Variants in LMX1B observed in about 807,000 individuals in gnomAD.
The protein encoded by LMX1B is LIM homeobox transcription factor 1 beta.
LMX1B carries 12 observed loss-of-function variants against 51.4 expected under a neutral mutation model. That is an observed-to-expected ratio of 0.23 (90% CI 0.15 to 0.38). The LOEUF (loss-of-function observed/expected upper bound fraction) is 0.38. LMX1B is among the 10% of genes least tolerant of loss of function. LMX1B has a pLI of 1.00. For missense variants in LMX1B, 445 were observed against 571.1 expected (o/e 0.78, Z 2.25); for synonymous variants, 237 against 235.4 (o/e 1.01, Z -0.06).
intron 2 of LMX1B, among the ~76,000 whole-genome samples, chr9:126,622,054 C>T (rs1465515520): frequency 6.6e-6 from 1 of 152,194 alleles, no homozygotes; most frequent in Non-Finnish European, 1.5e-5. Flanking sequence ...TGACTGGCAG[C>T]CGCTGGACCT....
At chr9:126,646,665 T>C (rs1309909272) in intron 2 of LMX1B, among the ~76,000 whole-genome samples, 1 of 152,242 alleles carries the variant, frequency 6.6e-6, no homozygotes, top group Admixed American at 6.5e-5. Context: ...GTTCTACTTC[T>C]GGTGGATGAG....
intron 2 of LMX1B, among the ~76,000 whole-genome samples, chr9:126,651,459 G>A (rs978899706): frequency 3.9e-5 from 6 of 152,108 alleles, no homozygotes; most frequent in African/African-American, 1.4e-4. Flanking sequence ...TTGTCTCAAG[G>A]GGACAGCGGC....
At chr9:126,666,293 A>G (rs1836341472) in intron 2 of LMX1B, among the ~76,000 whole-genome samples, 1 of 152,194 alleles carries the variant, frequency 6.6e-6, no homozygotes, top group African/African-American at 2.4e-5. Context: ...TTCAGCTGAC[A>G]GCCCTGGAGG....
chr9:126,616,054 C>G (rs1445403435), intron 2 of LMX1B, among the ~76,000 whole-genome samples: 2 of 152,214 alleles, frequency 1.3e-5, no homozygotes, highest in Admixed American at 1.3e-4. Context: ...GGGAGGCCCC[C>G]TTTCTGCCAG....
chr9:126,637,646 G>A (rs1000231027), intron 2 of LMX1B, among the ~76,000 whole-genome samples: 12 of 152,096 alleles, frequency 7.9e-5, no homozygotes, highest in Non-Finnish European at 1.5e-4. Flanking sequence ...ATGTATGGAT[G>A]TGGGCTGGGT....
intron 2 of LMX1B, among the ~76,000 whole-genome samples, chr9:126,649,824 C>T (rs542855527): frequency 3.5e-4 from 53 of 152,222 alleles, no homozygotes; most frequent in African/African-American, 1.3e-3. Context: ...GACCAGGTTT[C>T]GCCATCTTTC....
chr9:126,675,184 A>G (rs1443072614), intron 2 of LMX1B, among the ~76,000 whole-genome samples: 1 of 152,090 alleles, frequency 6.6e-6, no homozygotes, highest in Non-Finnish European at 1.5e-5. Context: ...AACCCCCCCA[A>G]AATACACCCA....
intron 2 of LMX1B, among the ~76,000 whole-genome samples, chr9:126,682,908 A>AAAAG (rs1836702653): frequency 6.6e-6 from 1 of 150,460 alleles, no homozygotes; most frequent in Non-Finnish European, 1.5e-5. Flanking sequence ...AAAAAAAAAA[A>AAAAG]AAAAAAAGAA....
chr9:126,661,283 G>T (rs930812547), intron 2 of LMX1B, among the ~76,000 whole-genome samples: 7 of 151,936 alleles, frequency 4.6e-5, no homozygotes, highest in Non-Finnish European at 1.0e-4. Context: ...CCCACGCAGG[G>T]CGACCTCTCA....
At chr9:126,668,128 A>C (rs1836380998) in intron 2 of LMX1B, among the ~76,000 whole-genome samples, 1 of 152,108 alleles carries the variant, frequency 6.6e-6, no homozygotes, top group African/African-American at 2.4e-5. Flanking sequence ...GCAGAAGAAG[A>C]GCTGCTGGGG....
chr9:126,691,721 AGAT>A (rs1314943795), intron 3 of LMX1B, among the ~76,000 whole-genome samples: 2 of 151,982 alleles, frequency 1.3e-5, no homozygotes, highest in Non-Finnish European at 2.9e-5. Flanking sequence ...AGAGGCAGGG[AGAT>A]GATGTGCCTT....
chr9:126,626,613 G>A lies in LMX1B; in HGVS notation c.326+11044G>A, dbSNP rs764127170. 3.5e-4 allele frequency among the ~76,000 whole-genome samples: 53 copies of A among 152,286 alleles called. No homozygotes were observed. The highest frequency in any genetic ancestry group is 6.8e-4 in the Non-Finnish European group (46 of 68,028). ...CCTTCCTTCCAGGTCAGGGGTGGGG[G>A]AGAGACTTTCTCCCTCGAAACACTT... On this transcript the variant is annotated intron_variant, in intron 2 of 7. Coordinates refer to ENST00000373474, the MANE Select transcript of LMX1B (RefSeq NM_001174147.2). This position sits in a 1 kb window ranked among gnomAD's most constrained non-coding sequence, Gnocchi z 4.3.
intron 2 of LMX1B, among the ~76,000 whole-genome samples, chr9:126,629,781 T>TA (rs1387450699): frequency 2.0e-5 from 3 of 151,926 alleles, no homozygotes; most frequent in African/African-American, 7.3e-5. Flanking sequence ...GGTGCAGTGA[T>TA]TTCCCCAAGG....
chr9:126,617,739 C>T (rs914689300), intron 2 of LMX1B, among the ~76,000 whole-genome samples: 1 of 152,062 alleles, frequency 6.6e-6, no homozygotes, highest in African/African-American at 2.4e-5. Flanking sequence ...TGGCACAGGG[C>T]GAATCTCAGG....
intron 2 of LMX1B, among the ~76,000 whole-genome samples, chr9:126,683,993 G>A (rs1836725553): frequency 6.6e-6 from 1 of 152,064 alleles, no homozygotes; most frequent in Non-Finnish European, 1.5e-5. Context: ...CCAAGCACGT[G>A]TCCTACGGGA....
chr9:126,690,842 C>T lies in LMX1B; in HGVS notation c.333C>T (p.Phe111=), dbSNP rs138385790. The T allele has an allele frequency of 3.6e-5, 58 of 1,609,242 alleles. No individual in the cohort carries two copies. Among genetic ancestry groups the T allele is most frequent in the African/African-American group, 9.3e-5 (7 of 74,880 alleles). ...LYCKQDYQQL[F]AAKCSGCMEK... is the part of the protein sequence containing the mutation. ...CCGCTTTGTGCATCCGCAGGCTCTT[C>T]GCGGCCAAGTGCAGCGGCTGCATGG... Residue 111 remains phenylalanine, a synonymous_variant, in exon 3 of 8, where the codon TTC becomes TTT. Coordinates refer to ENST00000373474, the MANE Select transcript of LMX1B (RefSeq NM_001174147.2).
intron 2 of LMX1B, among the ~76,000 whole-genome samples, chr9:126,680,611 G>A (rs1836653986): frequency 6.6e-6 from 1 of 152,170 alleles, no homozygotes; most frequent in Non-Finnish European, 1.5e-5. Flanking sequence ...AAAGGTACCT[G>A]GGACTAGCTC....
chr9:126,653,642 G>A lies in LMX1B; in HGVS notation c.327-37194G>A, dbSNP rs140750239. The stretch of plus-strand genomic sequence containing the variant: ...CTTAGACTTCTCCAGTGTTGGGTGC[G>A]TTTGTGCATGGAGCTCTGTGCCAAT... On this transcript the variant is annotated intron_variant, in intron 2 of 7. Transcript: ENST00000373474. 8.5e-5 allele frequency among the ~76,000 whole-genome samples: 13 copies of A among 152,276 alleles called. No homozygotes were observed. The East Asian group carries it at 1.7e-3, about 20-fold the overall frequency.
chr9:126,694,032 C>G (rs2030244337), intron 6 of LMX1B, among the ~76,000 whole-genome samples: 1 of 152,174 alleles, frequency 6.6e-6, no homozygotes, highest in Non-Finnish European at 1.5e-5. Context: ...CATCAGATCC[C>G]AGGGAACTTC....
Sources: gnomAD v4.1 joint callset for allele counts (sites outside exome capture counted in the v4.1 genomes callset) on GRCh38, gnomAD v4.1.1 for gene constraint, Gnocchi (gnomAD v3.1) non-coding constraint, MANE v1.5 for transcripts, NCBI Gene and HGNC (gene_info 2026-07-23, HGNC 2026-07-21) for gene names.